CROCC2: variants seen among roughly 807,000 people sequenced by gnomAD.
The protein encoded by CROCC2 is ciliary rootlet coiled-coil, rootletin family member 2.
Under a neutral mutation model 177.6 loss-of-function variants are expected in CROCC2, and 163 were observed. That is an observed-to-expected ratio of 0.92 (90% confidence interval 0.81 to 1.05). The LOEUF (loss-of-function observed/expected upper bound fraction) is 1.05, where lower values mean the gene tolerates loss of function less well. Among genes scored for constraint, CROCC2 ranks in the 50% least tolerant of loss-of-function variants. The pLI, the probability that CROCC2 is intolerant of heterozygous loss-of-function variation, is 0.00. For missense variants in CROCC2, 1,929 were observed against 1,797.8 expected (o/e 1.07, Z -1.32); for synonymous variants, 904 against 787.3 (o/e 1.15, Z -2.48).
Position 240,935,393 on chromosome 2 carries a change from G to A in CROCC2, c.1974G>A (p.Arg658=). Residue 658 remains arginine (R), a synonymous_variant, in exon 14 of 32, where the codon CGG becomes CGA. Transcript: ENST00000690015. ...EQERDQLREQ[R]KTLEQERARA... The stretch of plus-strand genomic sequence containing the variant: ...AGCGGGACCAGCTGCGGGAACAGCG[G>A]AAGACTCTGGAGCAGGAACGGGCCC... 1 of 1,369,290 alleles carries A rather than the reference G, an allele frequency of 7.3e-7. No homozygotes were observed. The highest frequency in any genetic ancestry group is 9.5e-7 in the Non-Finnish European group (1 of 1,055,810). The allele number at this position is 1,369,290 out of a possible 1,614,324, so 84.8% of individuals were successfully genotyped here.
intron 1 of CROCC2, among the ~76,000 whole-genome samples, chr2:240,914,787 G>A (rs918651284): frequency 6.6e-6 from 1 of 152,194 alleles, no homozygotes; most frequent in African/African-American, 2.4e-5. Flanking sequence ...GGACGACGGG[G>A]TGGTGGGGCT....
intron 14 of CROCC2, among the ~76,000 whole-genome samples, chr2:240,938,788 T>C (rs1471212607): frequency 6.6e-6 from 1 of 152,250 alleles, no homozygotes; most frequent in Non-Finnish European, 1.5e-5. Flanking sequence ...CATCTTTGAT[T>C]AGGTTAATTC....
intron 1 of CROCC2, among the ~76,000 whole-genome samples, chr2:240,911,652 C>T (rs757965454): frequency 4.1e-4 from 63 of 151,954 alleles, no homozygotes; most frequent in Non-Finnish European, 7.9e-4. Flanking sequence ...CATTCACGCC[C>T]CATTCCCCCC....
chr2:240,926,795 C>G (rs745985979), intron 5 of CROCC2, among the ~76,000 whole-genome samples: 1 of 152,266 alleles, frequency 6.6e-6, no homozygotes, highest in South Asian at 2.1e-4. Flanking sequence ...GTTTACACCC[C>G]GAGAGGGAAT....
chr2:240,949,160 T>G lies in CROCC2; in HGVS notation c.2482+63T>G. On this transcript the variant is annotated intron_variant, in intron 16 of 31. Coordinates refer to ENST00000690015, the MANE Select transcript of CROCC2 (RefSeq NM_001351305.2). The surrounding 1 kb of genome is among the most constrained non-coding windows in gnomAD (Gnocchi z 4.5). ...GTCAGCCATGGAGGGGCCCCTGGAA[T>G]GGAGCTCAGTGCCCACACGTGCTGC... 1.4e-6 allele frequency: 2 copies of G among 1,470,162 alleles called. No homozygotes were observed. The highest frequency in any genetic ancestry group is 2.8e-5 in the South Asian group (2 of 70,242). The allele number at this position is 1,470,162 out of a possible 1,614,324, so 91.1% of individuals were successfully genotyped here.
intron 14 of CROCC2, among the ~76,000 whole-genome samples, chr2:240,940,771 C>T (rs2059490954): frequency 6.6e-6 from 1 of 152,056 alleles, no homozygotes; most frequent in Admixed American, 6.6e-5. Flanking sequence ...AAAGCATTCA[C>T]CCTGAGAACT....
At chr2:240,909,971 G>C (rs1280958370) in intron 1 of CROCC2, among the ~76,000 whole-genome samples, 1 of 152,144 alleles carries the variant, frequency 6.6e-6, no homozygotes, top group Non-Finnish European at 1.5e-5. Flanking sequence ...GGTGGCTCTG[G>C]ACGGATGGCG....
chr2:240,959,544 G>C, intron 20 of CROCC2, 100 bp downstream of exon 20: 14 of 1,410,988 alleles, frequency 9.9e-6, no homozygotes, highest in Non-Finnish European at 1.3e-5. Flanking sequence ...GGAGGAAAGA[G>C]AGGCTGTACC....
At chr2:240,980,966 G>T (rs866857435) in intron 27 of CROCC2, among the ~76,000 whole-genome samples, 30 of 65,870 alleles carry the variant, frequency 4.6e-4, no homozygotes, top group East Asian at 2.3e-3. Flanking sequence ...CCCTGCTCAG[G>T]CTCTGGGGTA....
intron 14 of CROCC2, among the ~76,000 whole-genome samples, chr2:240,937,183 T>G (rs2059476174): frequency 6.6e-6 from 1 of 152,224 alleles, no homozygotes; most frequent in Non-Finnish European, 1.5e-5. Context: ...TATTGTCTGT[T>G]TTTTTGGGTT....
At chr2:240,945,987 C>T in intron 14 of CROCC2, 73 bp from the exon 15 acceptor site, 3 of 1,206,100 alleles carry the variant, frequency 2.5e-6, no homozygotes, top group Non-Finnish European at 3.4e-6. Flanking sequence ...CCTTTCTTCC[C>T]CTCAAGAGGC....
At chr2:240,933,457 G>A (rs1326205702) in intron 10 of CROCC2, 115 bp downstream of exon 10, 6 of 1,206,304 alleles carry the variant, frequency 5.0e-6, no homozygotes, top group Non-Finnish European at 6.8e-6. Flanking sequence ...GCCGGGGAGG[G>A]GTCCTTGCCT....
At chr2:240,947,476 C>G (rs976989644) in intron 15 of CROCC2, among the ~76,000 whole-genome samples, 3 of 152,228 alleles carry the variant, frequency 2.0e-5, no homozygotes, top group African/African-American at 7.2e-5. Flanking sequence ...TCACAGGCCA[C>G]TGAACAGGGC....
chr2:240,987,772 C>A (rs1048813038), intron 28 of CROCC2, among the ~76,000 whole-genome samples: 3 of 152,270 alleles, frequency 2.0e-5, no homozygotes, highest in African/African-American at 7.2e-5. Context: ...CCTGTGGACA[C>A]AGCCCCAGCA....
chr2:240,925,461 G>A (rs1395869081), intron 4 of CROCC2, among the ~76,000 whole-genome samples: 1 of 152,220 alleles, frequency 6.6e-6, no homozygotes, highest in Non-Finnish European at 1.5e-5. Context: ...AGGAGAGCTC[G>A]GGGCAGGGGC....
rs1262973349 is a variant in CROCC2, at chr2:240,960,586, G to A, written c.3087+1142G>A. Among the ~76,000 whole-genome samples the A allele has an allele frequency of 2.6e-5, 4 of 152,246 alleles. 1 individual carries two copies. Among genetic ancestry groups the A allele is most frequent in the East Asian group, 1.9e-4 (1 of 5,154 alleles). On this transcript the variant is annotated intron_variant, in intron 20 of 31. Coordinates refer to ENST00000690015, the MANE Select transcript of CROCC2 (RefSeq NM_001351305.2). This position sits in a 1 kb window ranked among gnomAD's most constrained non-coding sequence, Gnocchi z 5.0. Reference sequence around the variant, plus strand: ...GGGGAGGGTCAGCTGGAGCCCCAGCGGGGCCCACGGGGACGGGGCGACCTC... The same window carrying A: ...GGGGAGGGTCAGCTGGAGCCCCAGCAGGGCCCACGGGGACGGGGCGACCTC...
intron 18 of CROCC2, chr2:240,954,743 C>T (rs545202280): frequency 5.0e-4 from 76 of 152,322 alleles, no homozygotes; most frequent in African/African-American, 1.8e-3. Context: ...GCTCAAAGCC[C>T]CAACCCTCTA....
intron 12 of CROCC2, 78 bp downstream of exon 12, chr2:240,934,553 A>C (rs1574760484): frequency 3.5e-5 from 39 of 1,109,668 alleles, no homozygotes; most frequent in African/African-American, 2.7e-4. Flanking sequence ...CTGGCCTCCC[A>C]CTCCCTCTCT....
intron 4 of CROCC2, among the ~76,000 whole-genome samples, chr2:240,922,917 C>A (rs1343752498): frequency 8.5e-5 from 13 of 152,226 alleles, no homozygotes; most frequent in Middle Eastern, 3.4e-3. Flanking sequence ...AGACCCCAGG[C>A]CGAGTGGAAA....
Sources: gnomAD v4.1 joint callset for allele counts (sites outside exome capture counted in the v4.1 genomes callset) on GRCh38, gnomAD v4.1.1 for gene constraint, Gnocchi (gnomAD v3.1) non-coding constraint, MANE v1.5 for transcripts, NCBI Gene and HGNC (gene_info 2026-07-23, HGNC 2026-07-21) for gene names.